The following SNX29 variants were observed in gnomAD, a reference collection of about 807,000 sequenced individuals.
SNX29 encodes sorting nexin 29.
A neutral mutation model predicts 102.1 loss-of-function variants in SNX29; 78 were observed. The observed-to-expected ratio is 0.76, with a 90% CI of 0.64 to 0.92. The LOEUF is 0.92. Ranked by LOEUF, SNX29 falls within the 40% of genes least tolerant of loss-of-function variation. The pLI is 0.00. For synonymous variants in SNX29, 580 were observed against 414.5 expected, an observed-to-expected ratio of 1.40 and a Z score of -4.85; for missense variants, 1,280 against 1,061.7, an observed-to-expected ratio of 1.21 and a Z score of -2.86.
intron 20 of SNX29, among the ~76,000 whole-genome samples, chr16:12,538,962 C>T (rs796450812): frequency 6.6e-6 from 1 of 152,072 alleles, no homozygotes; most frequent in Non-Finnish European, 1.5e-5. Context: ...AATGCTAAGG[C>T]AAGTGATATA....
intron 14 of SNX29, among the ~76,000 whole-genome samples, chr16:12,211,445 G>A (rs111897476): frequency 6.6e-6 from 1 of 152,184 alleles, no homozygotes; most frequent in African/African-American, 2.4e-5. Context: ...AGCTCTGTGA[G>A]GATGGGACTG....
rs963903281 is a variant in SNX29 at position 12,573,907 on chromosome 16, C to T, written c.*5278C>T. ...AGCCGTCAGGTAGAACGCTTACTCA[C>T]CTGACACCGACTTCTTAGAGAAGCG... On this transcript the variant is annotated 3_prime_UTR_variant, in exon 21 of 21. Coordinates refer to ENST00000566228, the MANE Select transcript of SNX29 (RefSeq NM_032167.5). The T allele has an allele frequency of 6.9e-5, 14 of 204,338 alleles. No homozygotes were observed. Among genetic ancestry groups the T allele is most frequent in the Non-Finnish European group, 1.3e-4 (13 of 99,634 alleles). The allele number at this position is 204,338 out of a possible 1,614,324, so 12.7% of individuals were successfully genotyped here. A position where few individuals can be genotyped will look rare whatever the true frequency, so the allele number is the denominator to read the frequency against.
At chr16:11,988,816 T>G (rs953092671) in intron 1 of SNX29, among the ~76,000 whole-genome samples, 6 of 152,234 alleles carry the variant, frequency 3.9e-5, no homozygotes, top group African/African-American at 1.4e-4. Context: ...AAAGTTTTAT[T>G]GGAACAAAGC....
At chr16:12,265,494 A>G (rs2078900469) in intron 14 of SNX29, among the ~76,000 whole-genome samples, 1 of 152,160 alleles carries the variant, frequency 6.6e-6, no homozygotes, top group African/African-American at 2.4e-5. Context: ...CACATGAGAC[A>G]TGAAACTTAA....
chr16:12,528,717 T>C (rs7200834), intron 20 of SNX29, among the ~76,000 whole-genome samples: 94,775 of 152,076 alleles, frequency 0.62, 32,469 homozygotes, highest in East Asian at 1. Context: ...CTGGCTCTTC[T>C]CCACTGCTCC....
Position 12,571,986 on chromosome 16 carries a change from C to A in SNX29, c.*3357C>A, listed in dbSNP as rs1006391125. 4.7e-6 allele frequency: 5 copies of A among 1,062,210 alleles called. No individual in the cohort carries two copies. Among genetic ancestry groups the A allele is most frequent in the Admixed American group, 1.1e-4 (2 of 18,644 alleles). The allele number at this position is 1,062,210 out of a possible 1,614,324, so 65.8% of individuals were successfully genotyped here. On this transcript the variant is annotated 3_prime_UTR_variant, in exon 21 of 21. Transcript: ENST00000566228. Reference sequence around the variant, plus strand: ...TCTATGGTGGTAGCCATCTTCACATCCAGTCACCAGTTGCATCTAGGGAGC... The same window carrying A: ...TCTATGGTGGTAGCCATCTTCACATACAGTCACCAGTTGCATCTAGGGAGC...
intron 16 of SNX29, among the ~76,000 whole-genome samples, chr16:12,370,047 C>T (rs1383752880): frequency 6.6e-6 from 1 of 151,670 alleles, no homozygotes; most frequent in Admixed American, 6.6e-5. Context: ...GTGGTGAAAC[C>T]CTGTCTCTAC....
chr16:12,359,451 C>T (rs947303297), intron 16 of SNX29, among the ~76,000 whole-genome samples: 2 of 152,222 alleles, frequency 1.3e-5, no homozygotes, highest in Admixed American at 6.5e-5. Flanking sequence ...TGACTTCTCA[C>T]AGCCTTTGTC....
intron 4 of SNX29, among the ~76,000 whole-genome samples, chr16:12,033,295 A>G (rs1260656030): frequency 6.6e-6 from 1 of 151,632 alleles, no homozygotes; most frequent in Non-Finnish European, 1.5e-5. Flanking sequence ...TAGGGACAGT[A>G]TCTTACTATC....
intron 15 of SNX29, among the ~76,000 whole-genome samples, chr16:12,306,920 C>T (rs1286355554): frequency 2.6e-5 from 4 of 152,214 alleles, no homozygotes; most frequent in South Asian, 4.2e-4. Context: ...CTTCGGTGAT[C>T]GCAGGAACAC....
rs535727776 is a variant in SNX29, at chr16:12,474,129, G to A, written c.2038-3590G>A. On this transcript the variant is annotated intron_variant, in intron 18 of 20. Coordinates refer to ENST00000566228, the MANE Select transcript of SNX29 (RefSeq NM_032167.5). ...AGAGGGCAGAGGGCAGGTAGCCGTG[G>A]GTTCAAATTCCTTATCTCCCCACCT... Among the ~76,000 whole-genome samples the A allele has an allele frequency of 3.3e-5, 5 of 152,136 alleles. No homozygotes were observed. The South Asian group carries it at 1.0e-3, about 32-fold the overall frequency.
chr16:12,379,835 C>T (rs540397727), intron 16 of SNX29, among the ~76,000 whole-genome samples: 23 of 152,196 alleles, frequency 1.5e-4, no homozygotes, highest in African/African-American at 5.5e-4. Context: ...GTGAGTGGGG[C>T]CTGCCCAGCA....
intron 18 of SNX29, among the ~76,000 whole-genome samples, chr16:12,424,555 A>C (rs944718179): frequency 4.6e-5 from 7 of 152,312 alleles, no homozygotes; most frequent in South Asian, 4.1e-4. Flanking sequence ...TTACATCTAA[A>C]AATCTTTATT....
intron 20 of SNX29, among the ~76,000 whole-genome samples, chr16:12,544,950 G>C (rs1374800939): frequency 6.6e-6 from 1 of 152,222 alleles, no homozygotes; most frequent in Non-Finnish European, 1.5e-5. Flanking sequence ...TGTATTTCCA[G>C]ATGAGGAAAC....
intron 14 of SNX29, among the ~76,000 whole-genome samples, chr16:12,249,123 C>A (rs1161803447): frequency 6.6e-6 from 1 of 152,138 alleles, no homozygotes; most frequent in Non-Finnish European, 1.5e-5. Flanking sequence ...GTTAGGGGTT[C>A]AGTCAGGGTG....
chr16:12,391,753 C>T lies in SNX29; in HGVS notation c.1900-6693C>T, dbSNP rs528744047. On this transcript the variant is annotated intron_variant, in intron 16 of 20. Transcript: ENST00000566228. ...CAGTAGGCACATAGAACTTTACCAT[C>T]GCCCCAGAATGTCCCTTCATGCCAT... 1.1e-4 allele frequency among the ~76,000 whole-genome samples: 17 copies of T among 152,328 alleles called. 1 individual carries two copies. The highest frequency in any genetic ancestry group is 3.4e-3 in the Middle Eastern group (1 of 294).
chr16:12,500,697 T>G (rs1429445870), intron 19 of SNX29, among the ~76,000 whole-genome samples: 1 of 152,226 alleles, frequency 6.6e-6, no homozygotes, highest in Non-Finnish European at 1.5e-5. Context: ...ATCAGCCTCA[T>G]CTGAGAGCTT....
chr16:12,024,336 G>A (rs2057127916), intron 3 of SNX29, among the ~76,000 whole-genome samples: 2 of 151,898 alleles, frequency 1.3e-5, no homozygotes, highest in Non-Finnish European at 1.5e-5. Context: ...AGTAGAAATG[G>A]GGTTTCACCA....
chr16:12,538,275 C>G (rs967130574), intron 20 of SNX29, among the ~76,000 whole-genome samples: 2 of 152,142 alleles, frequency 1.3e-5, no homozygotes, highest in Non-Finnish European at 2.9e-5. Flanking sequence ...GCCACCACAC[C>G]TGGCTAATTT....
Sources: allele counts gnomAD v4.1 joint callset (sites outside exome capture counted in the v4.1 genomes callset), GRCh38; gene constraint gnomAD v4.1.1; transcripts MANE v1.5; gene names NCBI Gene and HGNC (gene_info 2026-07-23, HGNC 2026-07-21).